Variants in SUGCT observed in about 807,000 individuals in gnomAD.
SUGCT encodes succinyl-CoA:glutarate CoA-transferase.
A neutral mutation model predicts 55.0 loss-of-function variants in SUGCT; 41 were observed. That is an observed-to-expected ratio of 0.74 (90% CI 0.58 to 0.97). SUGCT has a LOEUF of 0.97. Ranked by LOEUF, SUGCT falls within the 50% of genes least tolerant of loss-of-function variation. SUGCT has a pLI of 0.00. For synonymous variants in SUGCT, 187 were observed against 200.4 expected (o/e 0.93, Z 0.56); for missense variants, 568 against 547.8 (o/e 1.04, Z -0.37).
chr7:40,897,522 C>T, the SUGCT span, among the ~76,000 whole-genome samples: 4 of 151,800 alleles, frequency 2.6e-5, no homozygotes, highest in Non-Finnish European at 5.9e-5. Flanking sequence ...GGGCTTTAAC[C>T]ATTCAGGGAT....
chr7:40,817,919 A>C (rs1335785871), intron 13 of SUGCT, among the ~76,000 whole-genome samples: 1 of 152,300 alleles, frequency 6.6e-6, no homozygotes, highest in African/African-American at 2.4e-5. Flanking sequence ...CATGTAATAT[A>C]ATGGTTGCTA....
intron 9 of SUGCT, among the ~76,000 whole-genome samples, chr7:40,394,885 A>T (rs1785636998): frequency 6.6e-6 from 1 of 152,232 alleles, no homozygotes; most frequent in Non-Finnish European, 1.5e-5. Context: ...TTTAAGGCTG[A>T]ATAATATTCC....
chr7:40,533,643 A>G (rs1321426734), intron 12 of SUGCT, among the ~76,000 whole-genome samples: 1 of 152,146 alleles, frequency 6.6e-6, no homozygotes, highest in Admixed American at 6.5e-5. Flanking sequence ...CTTAGCATAT[A>G]ACCAAAATTT....
chr7:40,754,615 A>T (rs888616608), intron 13 of SUGCT, among the ~76,000 whole-genome samples: 1 of 152,210 alleles, frequency 6.6e-6, no homozygotes, highest in African/African-American at 2.4e-5. Flanking sequence ...CAGGGGCTAC[A>T]GCTCAAGGCT....
chr7:40,832,618 G>A (rs1161334419), intron 13 of SUGCT, among the ~76,000 whole-genome samples: 2 of 150,134 alleles, frequency 1.3e-5, no homozygotes, highest in Non-Finnish European at 1.5e-5. Context: ...AGCTAGAGAG[G>A]AAGATTTCAG....
At chr7:40,469,095 T>G (rs573671421) in intron 11 of SUGCT, among the ~76,000 whole-genome samples, 1 of 152,242 alleles carries the variant, frequency 6.6e-6, no homozygotes, top group Non-Finnish European at 1.5e-5. Context: ...GAGAAACTTA[T>G]TGTTTTCACC....
At chr7:40,641,511 T>G (rs1017442267) in intron 12 of SUGCT, among the ~76,000 whole-genome samples, 3 of 152,178 alleles carry the variant, frequency 2.0e-5, no homozygotes, top group African/African-American at 7.2e-5. Flanking sequence ...TGAATCCAAC[T>G]TAAGTATGGC....
chr7:40,407,551 G>GA (rs1484564650), intron 9 of SUGCT, among the ~76,000 whole-genome samples: 1 of 151,934 alleles, frequency 6.6e-6, no homozygotes, highest in Non-Finnish European at 1.5e-5. Context: ...GTACTAAGAA[G>GA]AAGATCATGC....
At chr7:40,435,945 C>CTTTTCTTTTCTT (rs745704083) in intron 9 of SUGCT, among the ~76,000 whole-genome samples, 5 of 114,596 alleles carry the variant, frequency 4.4e-5, no homozygotes, top group Non-Finnish European at 9.1e-5. Flanking sequence ...CTTTTCTTTT[C>CTTTTCTTTTCTT]TTTTTTTTTT....
At chr7:40,915,801 A>C in the SUGCT span, among the ~76,000 whole-genome samples, 10 of 152,372 alleles carry the variant, frequency 6.6e-5, no homozygotes, top group African/African-American at 2.4e-4. Flanking sequence ...GTAGAAATAC[A>C]TAAGTAAATA....
Position 40,449,368 on chromosome 7 carries a change from A to G in SUGCT, c.888+10A>G. The G allele has an allele frequency of 2.5e-6, 4 of 1,599,644 alleles. No homozygotes were observed. The highest frequency in any genetic ancestry group is 2.2e-5 in the South Asian group (2 of 89,850). On this transcript the variant is annotated intron_variant, in intron 10 of 13. Transcript: ENST00000335693. Reference sequence around the variant, plus strand: ...TGCCACCGTCTGCAAGGTAATCTATAATTATTGGGATTGGTCGATGATTTT... The same window carrying G: ...TGCCACCGTCTGCAAGGTAATCTATGATTATTGGGATTGGTCGATGATTTT...
intron 12 of SUGCT, among the ~76,000 whole-genome samples, chr7:40,724,415 AT>A (rs1235267218): frequency 3.3e-5 from 4 of 120,530 alleles, no homozygotes; most frequent in Non-Finnish European, 6.3e-5. Context: ...AATACAAAAA[AT>A]TAACGGCGTG....
intron 9 of SUGCT, among the ~76,000 whole-genome samples, chr7:40,423,161 C>A (rs1199103709): frequency 6.6e-6 from 1 of 152,082 alleles, no homozygotes; most frequent in Non-Finnish European, 1.5e-5. Context: ...GCCTATATTC[C>A]CATCTCTGCT....
chr7:40,747,926 G>GA (rs1348831308), intron 12 of SUGCT, among the ~76,000 whole-genome samples: 1 of 152,146 alleles, frequency 6.6e-6, no homozygotes, highest in Non-Finnish European at 1.5e-5. Context: ...GGGCACTGGG[G>GA]ATTTTGTCTT....
At chr7:40,883,496 A>C in the SUGCT span, among the ~76,000 whole-genome samples, 1 of 152,186 alleles carries the variant, frequency 6.6e-6, no homozygotes, top group Non-Finnish European at 1.5e-5. Flanking sequence ...TTCTGTATGA[A>C]CTTAGAAAAG....
the SUGCT span, among the ~76,000 whole-genome samples, chr7:40,946,394 G>A: frequency 6.6e-6 from 1 of 152,142 alleles, no homozygotes; most frequent in African/African-American, 2.4e-5. Context: ...TGTGGTTCCA[G>A]TGGGGATTGG....
At chr7:40,861,871 TA>T (rs954362500), downstream of SUGCT, among the ~76,000 whole-genome samples, 3 of 152,382 alleles carry the variant, frequency 2.0e-5, no homozygotes, top group African/African-American at 7.2e-5. Context: ...AATCACATCA[TA>T]CAAGGGTAAT....
intron 12 of SUGCT, among the ~76,000 whole-genome samples, chr7:40,652,770 G>A (rs374619044): frequency 1.3e-5 from 2 of 152,156 alleles, no homozygotes; most frequent in Admixed American, 1.3e-4. Flanking sequence ...TTCCCTCTCC[G>A]ATCTGTTTGC....
intron 12 of SUGCT, among the ~76,000 whole-genome samples, chr7:40,728,017 G>A (rs1236251228): frequency 6.6e-6 from 1 of 152,030 alleles, no homozygotes; most frequent in Non-Finnish European, 1.5e-5. Context: ...ATTCTGAGAT[G>A]AGCATTTTTA....
Sources: allele counts gnomAD v4.1 joint callset (sites outside exome capture counted in the v4.1 genomes callset), GRCh38; gene constraint gnomAD v4.1.1; transcripts MANE v1.5; gene names NCBI Gene and HGNC (gene_info 2026-07-23, HGNC 2026-07-21).